The following MAPRE2 variants were observed in gnomAD, a reference collection of about 807,000 sequenced individuals.
MAPRE2 encodes microtubule associated protein RP/EB family member 2.
MAPRE2 carries 13 observed loss-of-function variants against 43.2 expected under a neutral mutation model. The observed-to-expected ratio is 0.30, with a 90% CI of 0.20 to 0.48. The LOEUF (loss-of-function observed/expected upper bound fraction) is 0.48, where lower values mean the gene tolerates loss of function less well. MAPRE2 is among the 20% of genes least tolerant of loss of function. MAPRE2 has a pLI of 0.99. For synonymous variants in MAPRE2, 135 were observed against 148.8 expected (o/e 0.91, Z 0.68); for missense variants, 161 against 400.2 (o/e 0.40, Z 5.10).
At chr18:35,015,633 AGT>A (rs3082290) in intron 2 of MAPRE2, among the ~76,000 whole-genome samples, 4,670 of 134,786 alleles carry the variant, frequency 0.035, 100 homozygotes, top group Admixed American at 0.075. Flanking sequence ...TAGGGATGGC[AGT>A]GTGTGTGTGT....
intron 2 of MAPRE2, among the ~76,000 whole-genome samples, chr18:35,076,302 G>C (rs2144116867): frequency 6.6e-6 from 1 of 150,750 alleles, no homozygotes; most frequent in Middle Eastern, 3.4e-3. Flanking sequence ...TCCTACAAAA[G>C]ACCAGAGACC....
chr18:35,043,380 C>T (rs686836), intron 1 of MAPRE2, among the ~76,000 whole-genome samples: 104,670 of 152,122 alleles, frequency 0.69, 37,102 homozygotes, highest in African/African-American at 0.88. Flanking sequence ...TTTTACCCCA[C>T]GGGCCAAAGG....
At chr18:35,070,370 A>C (rs756028672) in intron 2 of MAPRE2, 48 bp downstream of exon 2, 3 of 1,499,246 alleles carry the variant, frequency 2.0e-6, no homozygotes, top group Non-Finnish European at 2.7e-6. Flanking sequence ...ACAGTCTGTC[A>C]TGTGGAATGT....
chr18:35,079,679 A>G (rs373487032), intron 2 of MAPRE2, among the ~76,000 whole-genome samples: 1 of 152,228 alleles, frequency 6.6e-6, no homozygotes, highest in Admixed American at 6.5e-5. Flanking sequence ...AGATTTACTC[A>G]CCAGTCAGCC....
chr18:35,103,528 G>C (rs1230208139), intron 4 of MAPRE2, among the ~76,000 whole-genome samples: 1 of 152,128 alleles, frequency 6.6e-6, no homozygotes, highest in Non-Finnish European at 1.5e-5. Flanking sequence ...TGTGTTGGGG[G>C]TGGTGCACAT....
intron 5 of MAPRE2, among the ~76,000 whole-genome samples, chr18:35,130,158 G>A (rs925255110): frequency 1.9e-4 from 29 of 152,056 alleles, no homozygotes; most frequent in African/African-American, 6.8e-4. Flanking sequence ...GCTGGGGGGG[G>A]GTGGCACATC....
intron 1 of MAPRE2, among the ~76,000 whole-genome samples, chr18:35,042,064 G>A (rs926362838): frequency 7.9e-5 from 12 of 152,196 alleles, no homozygotes; most frequent in Non-Finnish European, 1.6e-4. Context: ...GGAGAAAAAC[G>A]TTTGCGCTTA....
chr18:35,059,075 A>G (rs180756155), intron 1 of MAPRE2, among the ~76,000 whole-genome samples: 80 of 152,344 alleles, frequency 5.3e-4, no homozygotes, highest in African/African-American at 1.8e-3. Context: ...TTACTCTTTC[A>G]TTAGGCATGT....
At chr18:34,980,103 T>C (rs2097015414) in intron 1 of MAPRE2, among the ~76,000 whole-genome samples, 3 of 144,648 alleles carry the variant, frequency 2.1e-5, no homozygotes. Context: ...TTCGGCTCAC[T>C]GCAACCTCCG....
chr18:34,981,883 A>AT (rs796076441), intron 1 of MAPRE2, among the ~76,000 whole-genome samples: 187 of 134,590 alleles, frequency 1.4e-3, no homozygotes, highest in African/African-American at 3.6e-3. Context: ...TTTTATTTTT[A>AT]TTTATTTTTT....
chr18:34,979,573 A>T (rs2097015001), intron 1 of MAPRE2, among the ~76,000 whole-genome samples: 1 of 151,950 alleles, frequency 6.6e-6, no homozygotes, highest in Non-Finnish European at 1.5e-5. Context: ...CTTGGTGGGA[A>T]GCATGTAAAA....
chr18:35,139,005 C>T (rs1378936981), intron 6 of MAPRE2, among the ~76,000 whole-genome samples: 1 of 152,078 alleles, frequency 6.6e-6, no homozygotes, highest in Non-Finnish European at 1.5e-5. Context: ...ACCGAGAATC[C>T]GATCCCTGAC....
chr18:34,980,739 C>T (rs1347691751), intron 1 of MAPRE2, among the ~76,000 whole-genome samples: 3 of 152,188 alleles, frequency 2.0e-5, no homozygotes, highest in Non-Finnish European at 4.4e-5. Context: ...CATTTAACCA[C>T]ACTCTAATGG....
intron 1 of MAPRE2, among the ~76,000 whole-genome samples, chr18:34,997,883 T>G (rs1177369831): frequency 6.6e-6 from 1 of 152,170 alleles, no homozygotes; most frequent in East Asian, 1.9e-4. Context: ...TATAAAATAA[T>G]TTTGCAAAAC....
At chr18:35,111,031 A>G (rs1293334044) in intron 4 of MAPRE2, among the ~76,000 whole-genome samples, 2 of 151,992 alleles carry the variant, frequency 1.3e-5, no homozygotes, top group South Asian at 2.1e-4. Flanking sequence ...TATTTTTTTC[A>G]GCTCCATTCT....
intron 2 of MAPRE2, among the ~76,000 whole-genome samples, chr18:35,020,439 G>C (rs1184427562): frequency 6.6e-6 from 1 of 151,922 alleles, no homozygotes; most frequent in Admixed American, 6.6e-5. Flanking sequence ...GTTCAAACCT[G>C]TGTCAGGTAA....
At chr18:35,011,916 G>A (rs922940601) in intron 2 of MAPRE2, among the ~76,000 whole-genome samples, 7 of 152,044 alleles carry the variant, frequency 4.6e-5, no homozygotes, top group Non-Finnish European at 1.0e-4. Flanking sequence ...TACAGCCGGA[G>A]GAGGTGCTAT....
chr18:34,997,172 A>G (rs2097026922), intron 1 of MAPRE2, among the ~76,000 whole-genome samples: 1 of 152,226 alleles, frequency 6.6e-6, no homozygotes, highest in African/African-American at 2.4e-5. Flanking sequence ...GTGATGCTCA[A>G]TAATGCCTGT....
Position 35,004,904 on chromosome 18 carries a change from C to T in MAPRE2, c.-69-588C>T, listed in dbSNP as rs1191823204. 1.4e-4 allele frequency among the ~76,000 whole-genome samples: 21 copies of T among 145,020 alleles called. 1 individual carries two copies. Among genetic ancestry groups the T allele is most frequent in the African/African-American group, 4.6e-4 (18 of 38,862 alleles). ...CTGCACTCCAGCCTGGGCGACAGAG[C>T]GAGACTCCATCTCCAAAAAAAAAAA... On this transcript the variant is annotated intron_variant, in intron 1 of 7. Coordinates refer to the MAPRE2 transcript ENST00000413393.
Sources: gnomAD v4.1 joint callset for allele counts (sites outside exome capture counted in the v4.1 genomes callset) on GRCh38, gnomAD v4.1.1 for gene constraint, MANE v1.5 for transcripts, NCBI Gene and HGNC (gene_info 2026-07-23, HGNC 2026-07-21) for gene names.